MYOM2: variants seen among roughly 807,000 people sequenced by gnomAD.
MYOM2 encodes myomesin-2.
A neutral mutation model predicts 187.6 loss-of-function variants in MYOM2; 254 were observed. The observed-to-expected ratio is 1.35, with a 90% CI of 1.22 to 1.50. The LOEUF (loss-of-function observed/expected upper bound fraction) is 1.50, where lower values mean the gene tolerates loss of function less well. Among genes scored for constraint, MYOM2 ranks in the 40% most tolerant of loss-of-function variants. The pLI is 0.00. For missense variants in MYOM2, 2,796 were observed against 1,924.0 expected (o/e 1.45, Z -8.48); for synonymous variants, 981 against 753.8 (o/e 1.30, Z -4.94).
chr8:2,066,121 G>C (rs539020924), intron 6 of MYOM2, among the ~76,000 whole-genome samples: 63 of 152,332 alleles, frequency 4.1e-4, no homozygotes, highest in Middle Eastern at 3.4e-3. Context: ...GTGACCTGCT[G>C]GGCTTGGGGA....
At chr8:2,109,109 A>G (rs759819764) in intron 24 of MYOM2, among the ~76,000 whole-genome samples, 9 of 152,224 alleles carry the variant, frequency 5.9e-5, no homozygotes, top group Non-Finnish European at 1.2e-4. Context: ...ATCAAGTGAA[A>G]TCTTCTGTTA....
At chr8:2,076,070 C>G in intron 10 of MYOM2, 71 bp from the exon 11 acceptor site, 1 of 1,451,492 alleles carries the variant, frequency 6.9e-7, no homozygotes, top group Non-Finnish European at 9.3e-7. Context: ...CTTGGAGGAG[C>G]TGTAAACAGG....
rs376742717 is a variant in MYOM2, at chr8:2,100,944, G to A, written c.2509G>A (p.Val837Met). The change falls in exon 20 of 37, where the codon GTG (valine) becomes ATG (methionine). Residue 837 changes from valine to methionine, a missense_variant. Coordinates refer to ENST00000262113, the MANE Select transcript of MYOM2 (RefSeq NM_003970.4). ...TSLVMLWKAP[V>M]YSGSSPVSGY... The stretch of plus-strand genomic sequence containing the variant: ...CTTGGTCATGCTGTGGAAGGCCCCT[G>A]TGTACTCCGGCAGCAGCCCTGTTTC... 4 of 1,614,214 alleles carry A rather than the reference G, an allele frequency of 2.5e-6. No individual in the cohort carries two copies. Among genetic ancestry groups the A allele is most frequent in the South Asian group, 2.2e-5 (2 of 91,086 alleles).
In MYOM2 at chr8:2,073,392, G is replaced by C; in HGVS notation, c.1012G>C (p.Ala338Pro). 1 of 1,613,232 alleles carries C rather than the reference G, an allele frequency of 6.2e-7. No homozygotes were observed. Among genetic ancestry groups the C allele is most frequent in the Non-Finnish European group, 8.5e-7 (1 of 1,179,682 alleles). The change falls in exon 10 of 37, where the codon GCC (alanine) becomes CCC (proline). Residue 338 changes from alanine (A) to proline (P), a missense_variant. Ala to Pro is a conservative substitution (Grantham distance 27, BLOSUM62 -1). Coordinates refer to ENST00000262113, the MANE Select transcript of MYOM2 (RefSeq NM_003970.4). The part of the protein sequence containing the change: ...WTKMFFGEGQ[A>P]SLSFSHLHKD... The stretch of plus-strand genomic sequence containing the variant: ...GAAGATGTTCTTTGGAGAAGGCCAG[G>C]CCTCCCTGTCCTTCAGCCACCTGCA...
rs201504369 is a variant in MYOM2 at position 2,116,248 on chromosome 8, C to G, written c.3358C>G (p.Gln1120Glu). ...FKTVLEEAEFQRKEFLRKQGP... is the reference protein window; with the variant it reads ...FKTVLEEAEFERKEFLRKQGP... ...GACTGTGCTGGAAGAGGCTGAGTTT[C>G]AAAGGAAAGAATTTCTCAGGAAACA... Residue 1120 changes from glutamine (Q) to glutamate (E), a missense_variant, in exon 27 of 37, where the codon CAA becomes GAA. Gln to Glu is a conservative substitution (Grantham distance 29, BLOSUM62 2). Transcript: ENST00000262113. 1 of 1,612,700 alleles carries G rather than the reference C, an allele frequency of 6.2e-7. No homozygotes were observed. The highest frequency in any genetic ancestry group is 1.3e-5 in the African/African-American group (1 of 74,990).
chr8:2,140,688 C>T, intron 32 of MYOM2, 35 bp from the exon 33 acceptor site: 2 of 1,608,820 alleles, frequency 1.2e-6, no homozygotes, highest in African/African-American at 1.3e-5. Context: ...ACATGGAGAC[C>T]CTAACTCAGA....
chr8:2,077,137 C>T (rs984767158), intron 11 of MYOM2, among the ~76,000 whole-genome samples: 2 of 152,056 alleles, frequency 1.3e-5, no homozygotes, highest in African/African-American at 2.4e-5. Flanking sequence ...TGGTGAAACC[C>T]TGTCTCTACT....
Position 2,108,804 on chromosome 8 carries a change from C to T in MYOM2, c.3017C>T (p.Ala1006Val), listed in dbSNP as rs1246966051. Residue 1006 changes from alanine (A) to valine (V), a missense_variant, in exon 24 of 37, where the codon GCA (alanine) becomes GTA (valine). Transcript: ENST00000262113. The part of the protein sequence containing the change: ...LDPEELERLM[A>V]LSNEIKNPTI... ...GTTTTAGAGCTCGAGCGTTTGATGG[C>T]ATTGAGCAATGAAATAAAGAACCCC... 3.7e-6 allele frequency: 6 copies of T among 1,613,642 alleles called. No homozygotes were observed. In the Admixed American group the frequency reaches 1.0e-4, roughly 27 times the overall value.
At chr8:2,116,695 C>G (rs1797255977) in intron 27 of MYOM2, among the ~76,000 whole-genome samples, 1 of 152,156 alleles carries the variant, frequency 6.6e-6, no homozygotes, top group South Asian at 2.1e-4. Context: ...TACATGTTAA[C>G]TAGATACAAA....
rs1302035536 is a variant in MYOM2 at position 2,095,528 on chromosome 8, G to C, written c.2126-719G>C. ...GCTGATCTCAAACTCAGGAGCTTAAGCAATCCTCCTGCCTCGGTCTCCCAA... is the reference window on the plus strand; with the variant it reads ...GCTGATCTCAAACTCAGGAGCTTAACCAATCCTCCTGCCTCGGTCTCCCAA... On this transcript the variant is annotated intron_variant, in intron 17 of 36. Transcript: ENST00000262113. Among the ~76,000 whole-genome samples, 4 of 152,110 alleles carry C rather than the reference G, an allele frequency of 2.6e-5. No individual in the cohort carries two copies. The East Asian group carries it at 7.7e-4, about 29-fold the overall frequency.
intron 10 of MYOM2, among the ~76,000 whole-genome samples, chr8:2,073,960 T>C (rs2129335125): frequency 6.6e-6 from 1 of 152,302 alleles, no homozygotes; most frequent in African/African-American, 2.4e-5. Context: ...GCCAGTGCTG[T>C]GACCTCCACC....
chr8:2,130,299 C>G (rs188615703), intron 32 of MYOM2, among the ~76,000 whole-genome samples: 12 of 134,214 alleles, frequency 8.9e-5, no homozygotes, highest in Non-Finnish European at 7.7e-5. Context: ...GCCCACACCC[C>G]GCCTTTAGTT....
At chr8:2,127,955 T>A (rs1192601253) in intron 31 of MYOM2, 1 of 152,324 alleles carries the variant, frequency 6.6e-6, no homozygotes, top group African/African-American at 2.4e-5. Context: ...CATAACAGTT[T>A]CTATTTTGGT....
At chr8:2,047,798 C>T (rs1201489041) in intron 1 of MYOM2, among the ~76,000 whole-genome samples, 1 of 152,226 alleles carries the variant, frequency 6.6e-6, no homozygotes, top group Non-Finnish European at 1.5e-5. Flanking sequence ...CACACGTGAT[C>T]CCAGCTCTGC....
chr8:2,134,441 G>T (rs1421476676), intron 32 of MYOM2, among the ~76,000 whole-genome samples: 2 of 152,172 alleles, frequency 1.3e-5, no homozygotes, highest in Non-Finnish European at 2.9e-5. Context: ...CTCTTCCTGG[G>T]AACGTTATTA....
chr8:2,140,930 A>T, intron 33 of MYOM2, 44 bp downstream of exon 33: 3 of 1,558,864 alleles, frequency 1.9e-6, no homozygotes, highest in Non-Finnish European at 2.6e-6. Context: ...CCTATTTAGA[A>T]ATCCATTTAG....
intron 21 of MYOM2, among the ~76,000 whole-genome samples, chr8:2,104,548 T>C (rs1796828142): frequency 6.6e-6 from 1 of 150,568 alleles, no homozygotes; most frequent in African/African-American, 2.5e-5. Context: ...GAGGTTGCAG[T>C]GAGCCGAGAT....
In MYOM2 at chr8:2,140,834, G is replaced by T. The variant is rs1417887636; in HGVS notation, c.3912G>T (p.Glu1304Asp). 1.2e-6 allele frequency: 2 copies of T among 1,613,998 alleles called. No individual in the cohort carries two copies. Among genetic ancestry groups the T allele is most frequent in the African/African-American group, 1.3e-5 (1 of 74,924 alleles). ...TEKDKGKYTFEIFDGKDNHQR... is the reference protein window; with the variant it reads ...TEKDKGKYTFDIFDGKDNHQR... The stretch of plus-strand genomic sequence containing the variant: ...AGGATAAAGGAAAATACACTTTTGA[G>T]ATTTTCGATGGCAAAGACAACCATC... Residue 1304 changes from glutamate (E) to aspartate (D), a missense_variant, in exon 33 of 37, where the codon GAG becomes GAT. Transcript: ENST00000262113.
In MYOM2 at chr8:2,144,015, G is replaced by T. The variant is rs539046997; in HGVS notation, c.4080+559G>T. Among the ~76,000 whole-genome samples, 3 of 152,346 alleles carry T rather than the reference G, an allele frequency of 2.0e-5. No homozygotes were observed. In the South Asian group the frequency reaches 6.2e-4, roughly 32 times the overall value. On this transcript the variant is annotated intron_variant, in intron 36 of 36. Transcript: ENST00000262113. ...AATTGATAGCTGTCTGGTTGCTTCA[G>T]TGGGTCTAACTCAATGTCACAGGGA...
Sources: gnomAD v4.1 joint callset for allele counts (sites outside exome capture counted in the v4.1 genomes callset) on GRCh38, gnomAD v4.1.1 for gene constraint, MANE v1.5 for transcripts, NCBI Gene and HGNC (gene_info 2026-07-23, HGNC 2026-07-21) for gene names.